The following CNGB1 variants were observed in gnomAD, a reference collection of about 807,000 sequenced individuals.
CNGB1 encodes the protein cyclic nucleotide-gated channel beta-1.
A neutral mutation model predicts 151.7 loss-of-function variants in CNGB1; 126 were observed. The ratio of observed to expected loss-of-function variants is 0.83; its 90% CI spans 0.72 to 0.96. The LOEUF (loss-of-function observed/expected upper bound fraction) is 0.96, where lower values mean the gene tolerates loss of function less well. Among genes scored for constraint, CNGB1 ranks in the 40% least tolerant of loss-of-function variants. The pLI is 0.00. For synonymous variants in CNGB1, 623 were observed against 635.1 expected (o/e 0.98, Z 0.29); for missense variants, 1,698 against 1,627.0 (o/e 1.04, Z -0.75).
At position 57,904,718 on chromosome 16, in the gene CNGB1, G is replaced by A; in HGVS notation, c.2634+16C>T. 1.9e-6 allele frequency: 3 copies of A among 1,613,922 alleles called. No individual in the cohort carries two copies. The highest frequency in any genetic ancestry group is 2.5e-6 in the Non-Finnish European group (3 of 1,180,010). On this transcript the variant is annotated intron_variant, in intron 26 of 32. Coordinates refer to ENST00000251102, the MANE Select transcript of CNGB1 (RefSeq NM_001297.5). ...GCAGTCAGGTGGGGTGGGAAGCTGGGCTGGTGCCCCGATACCTGTCCGATC... is the reference window on the plus strand; with the variant it reads ...GCAGTCAGGTGGGGTGGGAAGCTGGACTGGTGCCCCGATACCTGTCCGATC...
chr16:57,904,864 C>G lies in CNGB1; in HGVS notation c.2504G>C (p.Cys835Ser), dbSNP rs1298762004. 1 of 1,614,160 alleles carries G rather than the reference C, an allele frequency of 6.2e-7. No individual in the cohort carries two copies. The highest frequency in any genetic ancestry group is 1.7e-5 in the Admixed American group (1 of 60,012). The change falls in exon 26 of 33, where the codon TGT becomes TCT. Residue 835 changes from cysteine to serine, a missense_variant. Physicochemically the swap from Cys to Ser is moderately radical, Grantham distance 112. Transcript: ENST00000251102. ...YDGVGNSYIR[C>S]YYFAVKTLIT... ...GAGGGTCTTCACAGCAAAGTAGTAA[C>G]AGCGAATATAACTGGAGAGAGAGGA...
At chr16:57,908,656 G>A (rs1209347226) in intron 25 of CNGB1, among the ~76,000 whole-genome samples, 2 of 152,196 alleles carry the variant, frequency 1.3e-5, no homozygotes, top group Non-Finnish European at 2.9e-5. Flanking sequence ...GCCTGTCTCC[G>A]CTGCCAGGGG....
chr16:57,966,698 C>T (rs1159968658), intron 2 of CNGB1, among the ~76,000 whole-genome samples: 1 of 152,204 alleles, frequency 6.6e-6, no homozygotes, highest in Non-Finnish European at 1.5e-5. Flanking sequence ...GGACTGGCTC[C>T]TGTGAGTAGC....
chr16:57,934,585 G>T (rs550313889), intron 16 of CNGB1, among the ~76,000 whole-genome samples: 1 of 152,192 alleles, frequency 6.6e-6, no homozygotes, highest in Non-Finnish European at 1.5e-5. Context: ...TTTCCCAAGT[G>T]TGGGGCTCCC....
At chr16:57,904,060 T>C (rs757722524) in intron 26 of CNGB1, 79 bp from the exon 27 acceptor site, 5 of 1,388,684 alleles carry the variant, frequency 3.6e-6, no homozygotes, top group Non-Finnish European at 5.1e-6. Context: ...TTGGGATGTG[T>C]CACTTCACAC....
chr16:57,963,338 AG>A (rs1441860848), intron 4 of CNGB1, among the ~76,000 whole-genome samples: 1 of 152,214 alleles, frequency 6.6e-6, no homozygotes, highest in African/African-American at 2.4e-5. Context: ...TCTGAAAAAT[AG>A]GGGATGCTGA....
intron 31 of CNGB1, among the ~76,000 whole-genome samples, chr16:57,895,953 C>T (rs1327956796): frequency 6.6e-6 from 1 of 152,060 alleles, no homozygotes; most frequent in East Asian, 1.9e-4. Context: ...AAATCCATGC[C>T]TATATACATT....
chr16:57,885,420 GTTTCCCTAT>G (rs1959888114), intron 32 of CNGB1, among the ~76,000 whole-genome samples: 3 of 151,956 alleles, frequency 2.0e-5, no homozygotes, highest in African/African-American at 7.3e-5. Context: ...CTGTCTCAGT[GTTTCCCTAT>G]GTTTTGGTGC....
Position 57,939,449 on chromosome 16 carries a change from G to GGCCTCA in CNGB1, c.1347_1352dup (p.Glu452_Ala453dup). 1 of 1,614,082 alleles carries GGCCTCA rather than the reference G, an allele frequency of 6.2e-7. No homozygotes were observed. The highest frequency in any genetic ancestry group is 1.1e-5 in the South Asian group (1 of 91,086). On this transcript the variant is annotated inframe_insertion, in exon 16 of 33. Coordinates refer to ENST00000251102, the MANE Select transcript of CNGB1 (RefSeq NM_001297.5). ...ACCTACCTCCTGAACTGGCAGCCTC[G>GGCCTCA]GCCTCAGCCTCAGGCTCCTCCTTGG...
chr16:57,933,274 C>T (rs566865937), intron 16 of CNGB1, among the ~76,000 whole-genome samples: 8 of 152,284 alleles, frequency 5.3e-5, no homozygotes, highest in African/African-American at 1.9e-4. Flanking sequence ...TTGCAGGGTC[C>T]CTCCAATCAA....
intron 32 of CNGB1, among the ~76,000 whole-genome samples, chr16:57,885,582 CTTTCTT>C (rs879344610): frequency 0.11 from 11,643 of 103,448 alleles, 908 homozygotes; most frequent in African/African-American, 0.23. Flanking sequence ...CTCTCTCTTT[CTTTCTT>C]TCTTTCTTTC....
chr16:57,923,707 C>T (rs922366571), intron 17 of CNGB1, among the ~76,000 whole-genome samples: 1 of 152,186 alleles, frequency 6.6e-6, no homozygotes, highest in East Asian at 1.9e-4. Flanking sequence ...CTCAGTTTCC[C>T]CCTCTGTAAA....
At chr16:57,911,928 A>G in intron 24 of CNGB1, 53 bp from the exon 25 acceptor site, 1 of 1,606,274 alleles carries the variant, frequency 6.2e-7, no homozygotes. Context: ...GAGGTGAGGT[A>G]TAGACACCTG....
intron 18 of CNGB1, among the ~76,000 whole-genome samples, chr16:57,922,585 C>T (rs185598003): frequency 3.3e-5 from 5 of 152,166 alleles, no homozygotes; most frequent in Admixed American, 2.0e-4. Flanking sequence ...TGTGCCACCA[C>T]GCCCGGCTAA....
Position 57,911,885 on chromosome 16 carries a change from G to C in CNGB1, c.2370-10C>G. On this transcript the variant is annotated splice_polypyrimidine_tract_variant and intron_variant, in intron 24 of 32. Transcript: ENST00000251102. ...TGTGGTCCTGATGACCCTGCAGAAG[G>C]AACACAGCGCATGAACACAGCGGCG... 1 of 1,613,126 alleles carries C rather than the reference G, an allele frequency of 6.2e-7. No individual in the cohort carries two copies. The highest frequency in any genetic ancestry group is 1.1e-5 in the South Asian group (1 of 90,976).
intron 4 of CNGB1, 111 bp from the exon 5 acceptor site, chr16:57,963,175 A>T (rs1962306193): frequency 2.3e-6 from 2 of 863,240 alleles, no homozygotes; most frequent in South Asian, 2.6e-5. Flanking sequence ...TGTCATCTGT[A>T]TGTGTGTGGT....
chr16:57,884,603 A>C, intron 32 of CNGB1, 146 bp from the exon 33 acceptor site: 1 of 817,588 alleles, frequency 1.2e-6, no homozygotes, highest in Non-Finnish European at 2.0e-6. Flanking sequence ...GGTGGGGTGG[A>C]GCCGCATCGG....
intron 19 of CNGB1, among the ~76,000 whole-genome samples, chr16:57,919,566 T>G (rs1960971465): frequency 6.6e-6 from 1 of 152,130 alleles, no homozygotes; most frequent in Admixed American, 6.5e-5. Flanking sequence ...TGTCTGCTTG[T>G]GTGTTGTGCT....
intron 26 of CNGB1, 21 bp from the exon 27 acceptor site, chr16:57,904,002 G>A (rs766170907): frequency 9.9e-6 from 16 of 1,611,458 alleles, no homozygotes; most frequent in African/African-American, 1.3e-5. Flanking sequence ...GGTTATGGGA[G>A]GTCAAGGAAG....
Sources: gnomAD v4.1 joint callset for allele counts (sites outside exome capture counted in the v4.1 genomes callset) on GRCh38, gnomAD v4.1.1 for gene constraint, MANE v1.5 for transcripts, NCBI Gene and HGNC (gene_info 2026-07-23, HGNC 2026-07-21) for gene names.